RPS6KA2: variants seen among roughly 807,000 people sequenced by gnomAD.
RPS6KA2 encodes ribosomal protein S6 kinase alpha-2.
Under a neutral mutation model 91.8 loss-of-function variants are expected in RPS6KA2, and 42 were observed. The ratio of observed to expected loss-of-function variants is 0.46; its 90% confidence interval spans 0.36 to 0.59. The LOEUF is 0.59. Among genes scored for constraint, RPS6KA2 ranks in the 20% least tolerant of loss-of-function variants. The probability of loss-of-function intolerance (pLI) is 0.00; values close to 1 mark genes in which losing one functional copy is unlikely to be tolerated. For missense variants in RPS6KA2, 798 were observed against 978.5 expected (o/e 0.82, Z 2.46); for synonymous variants, 414 against 393.6 (o/e 1.05, Z -0.61).
chr6:166,673,378 G>C (rs1330685898), intron 2 of RPS6KA2, among the ~76,000 whole-genome samples: 1 of 152,210 alleles, frequency 6.6e-6, no homozygotes, highest in African/African-American at 2.4e-5. Flanking sequence ...CCATAAGGGG[G>C]TGCCCAGGAC....
intron 2 of RPS6KA2, chr6:166,757,453 C>T (rs538661038): frequency 3.1e-5 from 14 of 453,972 alleles, no homozygotes; most frequent in African/African-American, 2.2e-4. Flanking sequence ...CTCTGTCACA[C>T]CCGTGATTTC....
At chr6:166,861,456 G>A (rs1227960864) in intron 1 of RPS6KA2, among the ~76,000 whole-genome samples, 1 of 152,200 alleles carries the variant, frequency 6.6e-6, no homozygotes, top group African/African-American at 2.4e-5. Flanking sequence ...ATCAGATTCC[G>A]TGGAGCAGAG....
At chr6:166,583,580 G>C (rs1382730196) in intron 1 of RPS6KA2, among the ~76,000 whole-genome samples, 1 of 152,202 alleles carries the variant, frequency 6.6e-6, no homozygotes, top group Non-Finnish European at 1.5e-5. Context: ...AGGTGACAAA[G>C]GAGAGACGCT....
In RPS6KA2 at chr6:166,434,506, C is replaced by G. The variant is rs1228792273; in HGVS notation, c.1333-2016G>C. On this transcript the variant is annotated intron_variant, in intron 14 of 20. Coordinates refer to ENST00000265678, the MANE Select transcript of RPS6KA2 (RefSeq NM_021135.6). The surrounding 1 kb of genome is among the most constrained non-coding windows in gnomAD (Gnocchi z 4.4). ...CAGGTCCTGGGAGGCTGGTCCTGCA[C>G]TGCTTGTAGGGAAGCTGGCTGTCAG... Among the ~76,000 whole-genome samples, 5 of 152,222 alleles carry G rather than the reference C, an allele frequency of 3.3e-5. No individual in the cohort carries two copies. Among genetic ancestry groups the G allele is most frequent in the Admixed American group, 1.3e-4 (2 of 15,282 alleles).
chr6:166,491,118 G>A (rs1293016823), intron 8 of RPS6KA2, among the ~76,000 whole-genome samples: 1 of 152,188 alleles, frequency 6.6e-6, no homozygotes, highest in Non-Finnish European at 1.5e-5. Context: ...GAAGGGATGA[G>A]CTAGGAGGAG....
intron 2 of RPS6KA2, among the ~76,000 whole-genome samples, chr6:166,535,454 A>C (rs1783448975): frequency 6.6e-6 from 1 of 152,258 alleles, no homozygotes; most frequent in South Asian, 2.1e-4. Context: ...AGAGAAAGCA[A>C]GGATTTTTAA....
At chr6:166,517,849 A>G (rs1303340449) in intron 3 of RPS6KA2, among the ~76,000 whole-genome samples, 1 of 152,208 alleles carries the variant, frequency 6.6e-6, no homozygotes, top group Non-Finnish European at 1.5e-5. Context: ...TGCTGCAGAT[A>G]ACTAGCCAGT....
intron 1 of RPS6KA2, among the ~76,000 whole-genome samples, chr6:166,558,252 T>G (rs1019749926): frequency 3.3e-5 from 5 of 152,098 alleles, no homozygotes; most frequent in Admixed American, 2.0e-4. Context: ...GAAGAACTGA[T>G]GTTTTAGTTC....
intron 2 of RPS6KA2, among the ~76,000 whole-genome samples, chr6:166,661,032 T>C (rs1360109163): frequency 6.6e-6 from 1 of 152,232 alleles, no homozygotes; most frequent in African/African-American, 2.4e-5. Context: ...ACCTCGTGTT[T>C]CTCAAATAAT....
chr6:166,802,406 C>CTTTGTGT (rs1779389393), intron 2 of RPS6KA2, among the ~76,000 whole-genome samples: 1 of 152,044 alleles, frequency 6.6e-6, no homozygotes, highest in East Asian at 1.9e-4. Context: ...AAATAGACTA[C>CTTTGTGT]ACAAAACATA....
At chr6:166,785,426 T>C (rs1437314571) in intron 2 of RPS6KA2, among the ~76,000 whole-genome samples, 2 of 152,240 alleles carry the variant, frequency 1.3e-5, no homozygotes, top group African/African-American at 4.8e-5. Flanking sequence ...CTGTTGCTCC[T>C]TTCTTCTACT....
chr6:166,783,001 T>C (rs1778809633), intron 2 of RPS6KA2, among the ~76,000 whole-genome samples: 1 of 151,948 alleles, frequency 6.6e-6, no homozygotes, highest in South Asian at 2.1e-4. Context: ...TGGTGCCCAG[T>C]TGTTTGGTCA....
intron 2 of RPS6KA2, among the ~76,000 whole-genome samples, chr6:166,681,399 A>G (rs182085845): frequency 6.6e-6 from 1 of 152,280 alleles, no homozygotes. Flanking sequence ...TCCACTGGAA[A>G]CCACGCCCTT....
intron 4 of RPS6KA2, among the ~76,000 whole-genome samples, chr6:166,509,594 T>C (rs916862076): frequency 2.6e-5 from 4 of 152,274 alleles, no homozygotes; most frequent in Admixed American, 2.6e-4. Flanking sequence ...GTTTTGTTGC[T>C]GTTCCCTTCT....
In RPS6KA2 at chr6:166,648,210, G is replaced by GCGCA. The variant is rs1787726144; in HGVS notation, c.124-109427_124-109426insTGCG. Reference sequence around the variant, plus strand: ...CACACATGCTCATACACACACTCATGCACACACACGCACATGCGCACACAC... The same window carrying GCGCA: ...CACACATGCTCATACACACACTCATGCGCACACACACACGCACATGCGCACACAC... On this transcript the variant is annotated intron_variant, in intron 2 of 21. Transcript: ENST00000503859. This position sits in a 1 kb window ranked among gnomAD's most constrained non-coding sequence, Gnocchi z 4.8. 7.1e-6 allele frequency among the ~76,000 whole-genome samples: 1 copy of GCGCA among 141,794 alleles called. No homozygotes were observed. Among genetic ancestry groups the GCGCA allele is most frequent in the Non-Finnish European group, 1.5e-5 (1 of 65,666 alleles). 93.0% of individuals were successfully genotyped at this position (141,794 alleles called of 152,430 possible). A position where few individuals can be genotyped will look rare whatever the true frequency, so the allele number is the denominator to read the frequency against.
chr6:166,676,957 T>C (rs895774320), intron 2 of RPS6KA2, among the ~76,000 whole-genome samples: 1 of 152,252 alleles, frequency 6.6e-6, no homozygotes, highest in East Asian at 1.9e-4. Context: ...GTCCAGCACA[T>C]AGGAGTAGTG....
Position 166,430,645 on chromosome 6 carries a change from C to T in RPS6KA2, c.1423-34G>A, listed in dbSNP as rs9459668. ...TGGAGAAGGGGCGCACACGTCACCA[C>T]GGCTGGTTGCTGTGAAAGAGCAACT... On this transcript the variant is annotated intron_variant, in intron 15 of 20. Coordinates refer to ENST00000265678, the MANE Select transcript of RPS6KA2 (RefSeq NM_021135.6). 9,290 of 1,584,210 alleles carry T rather than the reference C, an allele frequency of 5.9e-3. 452 individuals are homozygous for T. The African/African-American group carries it at 0.11, about 18-fold the overall frequency.
chr6:166,555,435 TG>T (rs1784148483), intron 1 of RPS6KA2, among the ~76,000 whole-genome samples: 1 of 152,230 alleles, frequency 6.6e-6, no homozygotes, highest in African/African-American at 2.4e-5. Context: ...CACAGAGGAA[TG>T]GCATTGGTGT....
intron 2 of RPS6KA2, among the ~76,000 whole-genome samples, chr6:166,680,180 C>G (rs1788749049): frequency 6.6e-6 from 1 of 151,596 alleles, no homozygotes. Context: ...TCTAGCTAAT[C>G]TGGTGGGGAC....
Sources: gnomAD v4.1 joint callset for allele counts (sites outside exome capture counted in the v4.1 genomes callset) on GRCh38, gnomAD v4.1.1 for gene constraint, Gnocchi (gnomAD v3.1) non-coding constraint, MANE v1.5 for transcripts, NCBI Gene and HGNC (gene_info 2026-07-23, HGNC 2026-07-21) for gene names.